ATRNL1: variants seen among roughly 807,000 people sequenced by gnomAD.
The protein encoded by ATRNL1 is attractin-like protein 1.
Under a neutral mutation model 182.7 loss-of-function variants are expected in ATRNL1, and 95 were observed. That is an observed-to-expected ratio of 0.52 (90% confidence interval 0.44 to 0.62). ATRNL1 has a LOEUF of 0.62. Among genes scored for constraint, ATRNL1 ranks in the 20% least tolerant of loss-of-function variants. The probability of loss-of-function intolerance (pLI) is 0.00; values close to 1 mark genes in which losing one functional copy is unlikely to be tolerated. For missense variants in ATRNL1, 1,471 were observed against 1,679.5 expected (o/e 0.88, Z 2.17); for synonymous variants, 576 against 568.3 (o/e 1.01, Z -0.19).
chr10:115,408,841 G>A (rs546635449), intron 20 of ATRNL1, among the ~76,000 whole-genome samples: 1 of 152,164 alleles, frequency 6.6e-6, no homozygotes, highest in Non-Finnish European at 1.5e-5. Flanking sequence ...TTTTCTCCAA[G>A]TCATCTTTGT....
intron 13 of ATRNL1, among the ~76,000 whole-genome samples, chr10:115,269,369 C>T (rs1006374166): frequency 2.6e-5 from 4 of 152,068 alleles, no homozygotes; most frequent in African/African-American, 4.8e-5. Flanking sequence ...GAGTCTCACT[C>T]CATCACCCAG....
chr10:115,458,938 A>T (rs1291684436), intron 21 of ATRNL1, among the ~76,000 whole-genome samples: 1 of 152,174 alleles, frequency 6.6e-6, no homozygotes, highest in Admixed American at 6.6e-5. Flanking sequence ...GGACCGGCTG[A>T]AGCCATGGCA....
chr10:115,935,255 A>T (rs1555122582), intron 28 of ATRNL1, among the ~76,000 whole-genome samples: 2 of 152,164 alleles, frequency 1.3e-5, no homozygotes, highest in African/African-American at 4.8e-5. Flanking sequence ...TTTAACCTGT[A>T]TTGTCATCCA....
At chr10:115,727,448 G>T in intron 27 of ATRNL1, 93 bp downstream of exon 27, 1 of 928,230 alleles carries the variant, frequency 1.1e-6, no homozygotes, top group Non-Finnish European at 1.7e-6. Context: ...GCCAAACAGA[G>T]TCTGATTATC....
At chr10:115,559,451 C>A (rs111655898) in intron 26 of ATRNL1, among the ~76,000 whole-genome samples, 1 of 74,046 alleles carries the variant, frequency 1.4e-5, no homozygotes, top group East Asian at 2.2e-4. Context: ...TGTGCGCGCG[C>A]GCACGCACGC....
chr10:115,525,797 A>C (rs1394160952), intron 25 of ATRNL1, among the ~76,000 whole-genome samples: 1 of 152,110 alleles, frequency 6.6e-6, no homozygotes, highest in Non-Finnish European at 1.5e-5. Flanking sequence ...GGTCCTGAAA[A>C]TATGCACCAA....
chr10:115,378,251 A>C lies in ATRNL1; in HGVS notation c.3176-16408A>C. On this transcript the variant is annotated intron_variant, in intron 19 of 28. Transcript: ENST00000355044. Reference sequence around the variant, plus strand: ...TTTATAGGGCTGTTTCAAGATCCACAGTGGGACTAATGTCAGCAGGTTAGC... The same window carrying C: ...TTTATAGGGCTGTTTCAAGATCCACCGTGGGACTAATGTCAGCAGGTTAGC... 1.3e-5 allele frequency among the ~76,000 whole-genome samples: 2 copies of C among 152,208 alleles called. 1 individual carries two copies. The highest frequency in any genetic ancestry group is 1.3e-4 in the Admixed American group (2 of 15,278).
At chr10:115,168,879 T>C (rs976084832) in intron 7 of ATRNL1, among the ~76,000 whole-genome samples, 2 of 151,936 alleles carry the variant, frequency 1.3e-5, no homozygotes, top group Non-Finnish European at 2.9e-5. Context: ...TAATAATTCA[T>C]TGCCAAATCT....
intron 28 of ATRNL1, among the ~76,000 whole-genome samples, chr10:115,917,541 T>A (rs958941246): frequency 2.6e-5 from 4 of 151,480 alleles, no homozygotes; most frequent in East Asian, 1.9e-4. Flanking sequence ...GTGGACTACA[T>A]TAGACAAAGC....
rs747937451 is a variant in ATRNL1 at position 115,525,830 on chromosome 10, C to T, written c.3716+6506C>T. On this transcript the variant is annotated intron_variant, in intron 25 of 28. Transcript: ENST00000355044. ...CAAAACCAATGAGTTTTTATTTATC[C>T]AGTCTTAACATTTCGTTGCCCTTTA... Among the ~76,000 whole-genome samples, 12 of 152,118 alleles carry T rather than the reference C, an allele frequency of 7.9e-5. No individual in the cohort carries two copies. In the South Asian group the frequency reaches 1.0e-3, roughly 13 times the overall value.
At chr10:115,533,527 A>G (rs1360213957) in intron 25 of ATRNL1, among the ~76,000 whole-genome samples, 4 of 151,738 alleles carry the variant, frequency 2.6e-5, no homozygotes, top group African/African-American at 9.7e-5. Context: ...CTGTCTATCA[A>G]TTTTGTTGAT....
intron 13 of ATRNL1, among the ~76,000 whole-genome samples, chr10:115,268,776 T>C (rs1172499232): frequency 1.3e-5 from 2 of 152,242 alleles, no homozygotes; most frequent in African/African-American, 4.8e-5. Context: ...TAGGTAGGTA[T>C]TGAAATAATT....
chr10:115,527,571 T>C (rs1851287828), intron 25 of ATRNL1, among the ~76,000 whole-genome samples: 1 of 152,200 alleles, frequency 6.6e-6, no homozygotes, highest in East Asian at 1.9e-4. Flanking sequence ...GATTTTTAAA[T>C]TTGACTAAGT....
chr10:115,306,313 C>T (rs114223258), intron 17 of ATRNL1, among the ~76,000 whole-genome samples: 1,790 of 152,188 alleles, frequency 0.012, 34 homozygotes, highest in African/African-American at 0.04. Flanking sequence ...TGTGGTATTC[C>T]AAATAATTTT....
chr10:115,507,461 G>A (rs1850170853), intron 24 of ATRNL1, among the ~76,000 whole-genome samples: 1 of 151,974 alleles, frequency 6.6e-6, no homozygotes, highest in South Asian at 2.1e-4. Context: ...GAAGAAAAAG[G>A]ACAGGTAACC....
intron 27 of ATRNL1, among the ~76,000 whole-genome samples, chr10:115,742,808 A>G (rs1555068005): frequency 2.0e-5 from 3 of 152,078 alleles, no homozygotes; most frequent in Non-Finnish European, 4.4e-5. Context: ...AAATCTTCTC[A>G]TATCACCTTG....
chr10:115,227,863 C>T (rs1849760987), intron 9 of ATRNL1, among the ~76,000 whole-genome samples: 1 of 152,002 alleles, frequency 6.6e-6, no homozygotes, highest in Admixed American at 6.6e-5. Flanking sequence ...GTATATTCTT[C>T]TATTGATATA....
chr10:115,500,289 A>G (rs1554979760), intron 24 of ATRNL1, among the ~76,000 whole-genome samples: 1 of 152,224 alleles, frequency 6.6e-6, no homozygotes, highest in African/African-American at 2.4e-5. Flanking sequence ...ATTAGGAAAT[A>G]TGGGGAAAAA....
chr10:115,297,680 A>G (rs1210819152), intron 15 of ATRNL1, among the ~76,000 whole-genome samples: 2 of 150,710 alleles, frequency 1.3e-5, no homozygotes, highest in Admixed American at 6.6e-5. Flanking sequence ...AGGGACAATT[A>G]CCAATGAACA....
Sources: gnomAD v4.1 joint callset for allele counts (sites outside exome capture counted in the v4.1 genomes callset) on GRCh38, gnomAD v4.1.1 for gene constraint, MANE v1.5 for transcripts, NCBI Gene and HGNC (gene_info 2026-07-23, HGNC 2026-07-21) for gene names.